The following AP1S3 variants were observed in gnomAD, a reference collection of about 807,000 sequenced individuals.
The protein encoded by AP1S3 is adaptor related protein complex 1 subunit sigma 3.
In AP1S3, 10 loss-of-function variants were observed where a neutral mutation model predicts 20.9. The observed-to-expected ratio is 0.48, with a 90% CI of 0.29 to 0.81. AP1S3 has a LOEUF of 0.81. AP1S3 is among the 30% of genes least tolerant of loss of function. The pLI, the probability that AP1S3 is intolerant of heterozygous loss-of-function variation, is 0.08. For synonymous variants in AP1S3, 41 were observed against 61.5 expected (o/e 0.67, Z 1.56); for missense variants, 154 against 183.8 (o/e 0.84, Z 0.94).
At position 223,760,616 on chromosome 2, in the gene AP1S3, G is replaced by T. The variant is rs549429707; in HGVS notation, c.430-1866C>A. Among the ~76,000 whole-genome samples the T allele has an allele frequency of 1.0e-3, 154 of 152,252 alleles. 2 individuals carry two copies. The highest frequency in any genetic ancestry group is 3.7e-3 in the African/African-American group (152 of 41,556). ...TTTAACTTAGCAGAGGGATCATACA[G>T]GCCATTGGGCCATGCTGGTTTTATG... On this transcript the variant is annotated intron_variant, in intron 4 of 4. Coordinates refer to ENST00000396654, the MANE Select transcript of AP1S3 (RefSeq NM_001039569.2).
At chr2:223,788,948 T>C (rs1437829817) in intron 1 of AP1S3, among the ~76,000 whole-genome samples, 1 of 152,130 alleles carries the variant, frequency 6.6e-6, no homozygotes, top group Non-Finnish European at 1.5e-5. Context: ...GATTCTTCCC[T>C]GAAGACACTA....
At position 223,765,159 on chromosome 2, in the gene AP1S3, C is replaced by CCATCATCAT. The variant is rs10644138; in HGVS notation, c.429+45_429+53dup. 5,772 of 1,560,316 alleles carry CCATCATCAT rather than the reference C, an allele frequency of 3.7e-3. 22 individuals are homozygous for CCATCATCAT. The highest frequency in any genetic ancestry group is 0.016 in the Middle Eastern group (96 of 5,876). ...CTGGTTAATATTATAATTATTAACACCATCATCATCATCATCATCATCTTT... is the reference window on the plus strand; with the variant it reads ...CTGGTTAATATTATAATTATTAACACCATCATCATCATCATCATCATCATCATCATCTTT... On this transcript the variant is annotated intron_variant, in intron 4 of 4. Transcript: ENST00000396654.
intron 1 of AP1S3, among the ~76,000 whole-genome samples, chr2:223,794,056 T>C (rs1224989048): frequency 6.6e-6 from 1 of 152,194 alleles, no homozygotes; most frequent in Non-Finnish European, 1.5e-5. Flanking sequence ...ATTAAAGAGG[T>C]TTCACCTCTT....
intron 1 of AP1S3, among the ~76,000 whole-genome samples, chr2:223,786,210 C>A (rs1330405510): frequency 6.6e-6 from 1 of 152,120 alleles, no homozygotes. Context: ...ATATGCATAG[C>A]GAAAACAATC....
At chr2:223,771,810 T>C (rs916313594) in intron 3 of AP1S3, among the ~76,000 whole-genome samples, 15 of 152,320 alleles carry the variant, frequency 9.8e-5, no homozygotes, top group Middle Eastern at 3.4e-3. Flanking sequence ...TAAAGCTATA[T>C]ATAAAATAAG....
intron 1 of AP1S3, among the ~76,000 whole-genome samples, chr2:223,812,074 G>A (rs1042810949): frequency 9.2e-5 from 14 of 152,194 alleles, no homozygotes; most frequent in Non-Finnish European, 1.5e-5. Context: ...TCCAGAGAGG[G>A]ATTCTCAGGT....
chr2:223,828,321 G>C (rs1692182569), intron 1 of AP1S3, among the ~76,000 whole-genome samples: 2 of 129,526 alleles, frequency 1.5e-5, no homozygotes, highest in Middle Eastern at 4.1e-3. Context: ...TTTTGAGACA[G>C]ACTCTCACTC....
Position 223,787,846 on chromosome 2 carries a change from C to T in AP1S3, c.4-9977G>A, listed in dbSNP as rs151055493. Among the ~76,000 whole-genome samples, 6 of 152,340 alleles carry T rather than the reference C, an allele frequency of 3.9e-5. No homozygotes were observed. In the East Asian group the frequency reaches 1.2e-3, roughly 29 times the overall value. On this transcript the variant is annotated intron_variant, in intron 1 of 4. Transcript: ENST00000396654. ...GGAACTCCATGCAGTTGGAGAACCT[C>T]TTAGCACAGCTTGCTCCGGCCCCCA...
intron 1 of AP1S3, among the ~76,000 whole-genome samples, chr2:223,788,861 T>C (rs548031266): frequency 6.6e-6 from 1 of 152,144 alleles, no homozygotes; most frequent in African/African-American, 2.4e-5. Flanking sequence ...TGAAAAGCTA[T>C]GTATGTAAGG....
chr2:223,757,615 G>T lies in AP1S3; in HGVS notation c.*1100C>A. ...CAAGCTATTTCCCTGTAATATGTCT[G>T]ATCACTGTTAGGACCTGGTTATACA... On this transcript the variant is annotated 3_prime_UTR_variant, in exon 5 of 5. Transcript: ENST00000396654. 1 of 985,350 alleles carries T rather than the reference G, an allele frequency of 1.0e-6. No individual in the cohort carries two copies. The allele number at this position is 985,350 out of a possible 1,614,324, so 61.0% of individuals were successfully genotyped here.
intron 1 of AP1S3, among the ~76,000 whole-genome samples, chr2:223,822,977 T>C (rs1692027151): frequency 6.6e-6 from 1 of 151,570 alleles, no homozygotes; most frequent in Non-Finnish European, 1.5e-5. Flanking sequence ...CCAACCAGTA[T>C]ATGGGGAAAA....
rs937250463 is a variant in AP1S3 at position 223,755,462 on chromosome 2, TG to T, written c.*3252del. On this transcript the variant is annotated 3_prime_UTR_variant, in exon 5 of 5. Coordinates refer to ENST00000396654, the MANE Select transcript of AP1S3 (RefSeq NM_001039569.2). ...CAATGACTATTTTAGCCTAGGCCCA[TG>T]GAAGATGTCCCTAAAATCCCTCAAA... 2.0e-5 allele frequency among the ~76,000 whole-genome samples: 3 copies of T among 151,876 alleles called. No individual in the cohort carries two copies. The highest frequency in any genetic ancestry group is 4.4e-5 in the Non-Finnish European group (3 of 67,996).
At chr2:223,794,619 T>C (rs1215017041) in intron 1 of AP1S3, among the ~76,000 whole-genome samples, 1 of 152,214 alleles carries the variant, frequency 6.6e-6, no homozygotes, top group African/African-American at 2.4e-5. Flanking sequence ...AGCTGCCCTC[T>C]TCTTTCTGCT....
chr2:223,818,160 T>A (rs1691899398), intron 1 of AP1S3, among the ~76,000 whole-genome samples: 1 of 152,208 alleles, frequency 6.6e-6, no homozygotes, highest in Non-Finnish European at 1.5e-5. Flanking sequence ...TTCACTCTTG[T>A]AATCACAGCA....
chr2:223,764,804 G>T (rs1690437791), intron 4 of AP1S3, among the ~76,000 whole-genome samples: 1 of 152,106 alleles, frequency 6.6e-6, no homozygotes, highest in Non-Finnish European at 1.5e-5. Flanking sequence ...AATTATTCTT[G>T]AAAAGAATAG....
intron 1 of AP1S3, among the ~76,000 whole-genome samples, chr2:223,795,198 G>A (rs574655672): frequency 1.4e-3 from 213 of 152,216 alleles, no homozygotes; most frequent in Middle Eastern, 6.8e-3. Flanking sequence ...GCGATGAGCC[G>A]AGATTGAGGC....
chr2:223,789,865 A>G (rs982221401), intron 1 of AP1S3, among the ~76,000 whole-genome samples: 1 of 151,734 alleles, frequency 6.6e-6, no homozygotes, highest in African/African-American at 2.4e-5. Flanking sequence ...ATCAAATGCA[A>G]TCAAACAAGA....
chr2:223,765,183 TTCTCC>T (rs1443552810), intron 4 of AP1S3, 25 bp downstream of exon 4: 2 of 1,607,998 alleles, frequency 1.2e-6, no homozygotes, highest in Non-Finnish European at 8.5e-7. Context: ...ATCATCATCT[TTCTCC>T]CATGGTTTGG....
chr2:223,777,397 A>G (rs1690810021), intron 2 of AP1S3, among the ~76,000 whole-genome samples: 1 of 152,206 alleles, frequency 6.6e-6, no homozygotes, highest in African/African-American at 2.4e-5. Flanking sequence ...TCCGCCTCCA[A>G]CAAATTAAAA....
Sources: gnomAD v4.1 joint callset for allele counts (sites outside exome capture counted in the v4.1 genomes callset) on GRCh38, gnomAD v4.1.1 for gene constraint, MANE v1.5 for transcripts, NCBI Gene and HGNC (gene_info 2026-07-23, HGNC 2026-07-21) for gene names.